Variants in RANBP17 observed in about 807,000 individuals in gnomAD.
RANBP17 encodes the protein RAN binding protein 17.
Under a neutral mutation model 141.2 loss-of-function variants are expected in RANBP17, and 158 were observed. That is an observed-to-expected ratio of 1.12 (90% confidence interval 0.98 to 1.28). RANBP17 has a LOEUF of 1.28. Ranked by LOEUF, RANBP17 falls within the 50% of genes most tolerant of loss-of-function variation. RANBP17 has a pLI of 0.00. For synonymous variants in RANBP17, 430 were observed against 450.0 expected (o/e 0.96, Z 0.56); for missense variants, 1,438 against 1,290.7 (o/e 1.11, Z -1.75).
chr5:170,867,148 A>G (rs1363101221), intron 1 of RANBP17: 2 of 152,236 alleles, frequency 1.3e-5, no homozygotes, highest in East Asian at 3.8e-4. Flanking sequence ...TGTCTCTTGA[A>G]GTATAGACTA....
At chr5:170,909,953 TATG>T (rs1771399915) in intron 6 of RANBP17, 188 bp downstream of exon 6, 1 of 431,248 alleles carries the variant, frequency 2.3e-6, no homozygotes, top group South Asian at 4.4e-5. Context: ...TCACTGGGCA[TATG>T]ATAAGGTGAA....
At chr5:170,912,466 A>G (rs970776615) in intron 7 of RANBP17, among the ~76,000 whole-genome samples, 3 of 151,994 alleles carry the variant, frequency 2.0e-5, no homozygotes, top group African/African-American at 7.2e-5. Flanking sequence ...GAGGGTAGTT[A>G]ATAGCAACAG....
At chr5:171,028,812 A>G (rs1781380930) in intron 14 of RANBP17, 2 of 805,720 alleles carry the variant, frequency 2.5e-6, no homozygotes, top group Non-Finnish European at 3.6e-6. Flanking sequence ...TCTCCTAAGA[A>G]AGGAGAATTC....
At chr5:171,101,171 C>CGTT (rs1787133831) in intron 14 of RANBP17, among the ~76,000 whole-genome samples, 1 of 151,384 alleles carries the variant, frequency 6.6e-6, no homozygotes, top group Non-Finnish European at 1.5e-5. Flanking sequence ...TTTTCTGTCT[C>CGTT]GATCTGTCTA....
chr5:171,218,566 AGGTGCTCCTGTATTG>A (rs1166265796), intron 21 of RANBP17, among the ~76,000 whole-genome samples: 4 of 151,966 alleles, frequency 2.6e-5, no homozygotes, highest in East Asian at 3.9e-4. Flanking sequence ...TCATGAATCT[AGGTGCTCCTGTATTG>A]GGTGCTCCTG....
At chr5:171,009,680 A>G (rs1751362397) in intron 14 of RANBP17, among the ~76,000 whole-genome samples, 1 of 96,476 alleles carries the variant, frequency 1.0e-5, no homozygotes, top group Non-Finnish European at 2.8e-5. Context: ...TTTTTGAATC[A>G]GGACCTCAGA....
intron 20 of RANBP17, among the ~76,000 whole-genome samples, chr5:171,210,226 G>C (rs1342393802): frequency 6.6e-6 from 1 of 152,076 alleles, no homozygotes; most frequent in Non-Finnish European, 1.5e-5. Flanking sequence ...CTCCTAGAGT[G>C]GGTTCTGGTT....
At chr5:171,174,998 T>A (rs1222056403) in intron 16 of RANBP17, among the ~76,000 whole-genome samples, 1 of 152,020 alleles carries the variant, frequency 6.6e-6, no homozygotes, top group African/African-American at 2.4e-5. Context: ...CCCCTCCCTG[T>A]GTCCATGTGT....
intron 14 of RANBP17, among the ~76,000 whole-genome samples, chr5:171,146,166 G>A (rs893880593): frequency 9.9e-5 from 15 of 152,124 alleles, no homozygotes; most frequent in African/African-American, 2.4e-5. Context: ...TAACAAATAA[G>A]GATAAAGACC....
At chr5:170,969,159 A>G (rs1279884684) in intron 14 of RANBP17, among the ~76,000 whole-genome samples, 2 of 151,852 alleles carry the variant, frequency 1.3e-5, no homozygotes, top group African/African-American at 4.8e-5. Flanking sequence ...TCTGATAATA[A>G]TAATTGTGTA....
At chr5:170,908,238 A>G (rs1270144637) in intron 5 of RANBP17, among the ~76,000 whole-genome samples, 1 of 151,982 alleles carries the variant, frequency 6.6e-6, no homozygotes. Flanking sequence ...CTGCAGTGCT[A>G]TTCAGAAAAG....
intron 14 of RANBP17, among the ~76,000 whole-genome samples, chr5:171,091,792 C>T (rs551840516): frequency 2.6e-5 from 4 of 152,312 alleles, no homozygotes; most frequent in Non-Finnish European, 4.4e-5. Flanking sequence ...CCATGTGAGG[C>T]TTGCCTTTCA....
intron 14 of RANBP17, among the ~76,000 whole-genome samples, chr5:171,108,949 C>G (rs1261529249): frequency 1.3e-5 from 2 of 152,118 alleles, no homozygotes; most frequent in African/African-American, 4.8e-5. Context: ...ACAGAATTTT[C>G]TCTGCCACTT....
intron 18 of RANBP17, among the ~76,000 whole-genome samples, chr5:171,195,569 T>A (rs1446019783): frequency 2.0e-5 from 3 of 152,214 alleles, no homozygotes; most frequent in Non-Finnish European, 2.9e-5. Flanking sequence ...AGGAATTCCA[T>A]TTTCCTCACC....
intron 14 of RANBP17, among the ~76,000 whole-genome samples, chr5:170,973,182 A>G (rs1050319804): frequency 6.6e-6 from 1 of 152,206 alleles, no homozygotes. Context: ...ATGGACAAGT[A>G]AGGAAAAAAA....
chr5:171,239,302 A>G (rs1256577354), intron 22 of RANBP17, among the ~76,000 whole-genome samples: 1 of 152,170 alleles, frequency 6.6e-6, no homozygotes, highest in Non-Finnish European at 1.5e-5. Context: ...CATGGAACAG[A>G]TCAAGGCAGA....
chr5:171,083,654 T>TA (rs1785405949), intron 14 of RANBP17, among the ~76,000 whole-genome samples: 1 of 152,206 alleles, frequency 6.6e-6, no homozygotes, highest in Admixed American at 6.5e-5. Context: ...GGCCAGCTGA[T>TA]ATGGTGTGGC....
At chr5:171,199,214 A>T (rs1398299463) in intron 18 of RANBP17, among the ~76,000 whole-genome samples, 2 of 152,210 alleles carry the variant, frequency 1.3e-5, no homozygotes, top group Admixed American at 6.5e-5. Context: ...TAAATTAATT[A>T]AAAAGAACAT....
chr5:171,242,836 G>A lies in RANBP17; in HGVS notation c.2776+16G>A. On this transcript the variant is annotated intron_variant, in intron 24 of 27. Transcript: ENST00000523189. ...ACTACTCTTGGTAAGGATCATAGAG[G>A]ACATTGTTTCCATAGGAAAAACTTG... 1 of 1,611,506 alleles carries A rather than the reference G, an allele frequency of 6.2e-7. No individual in the cohort carries two copies. The highest frequency in any genetic ancestry group is 8.5e-7 in the Non-Finnish European group (1 of 1,178,454).
Sources: gnomAD v4.1 joint callset for allele counts (sites outside exome capture counted in the v4.1 genomes callset) on GRCh38, gnomAD v4.1.1 for gene constraint, MANE v1.5 for transcripts, NCBI Gene and HGNC (gene_info 2026-07-23, HGNC 2026-07-21) for gene names.